Variants in KHDRBS3 observed in about 807,000 individuals in gnomAD.
The protein encoded by KHDRBS3 is KH RNA binding domain containing, signal transduction associated 3.
A neutral mutation model predicts 45.6 loss-of-function variants in KHDRBS3; 23 were observed. The ratio of observed to expected loss-of-function variants is 0.50; its 90% CI spans 0.36 to 0.72. KHDRBS3 has a LOEUF of 0.72. Ranked by LOEUF, KHDRBS3 falls within the 30% of genes least tolerant of loss-of-function variation. The pLI is 0.00. For synonymous variants in KHDRBS3, 162 were observed against 156.5 expected (o/e 1.04, Z -0.26); for missense variants, 352 against 424.8 (o/e 0.83, Z 1.51).
chr8:135,517,302 G>A (rs977894595), intron 1 of KHDRBS3, among the ~76,000 whole-genome samples: 3 of 152,052 alleles, frequency 2.0e-5, no homozygotes, highest in African/African-American at 4.8e-5. Flanking sequence ...CTATGCATTC[G>A]TCCTTGAAAA....
intron 5 of KHDRBS3, among the ~76,000 whole-genome samples, chr8:135,569,382 T>C (rs1383913283): frequency 6.6e-6 from 1 of 152,116 alleles, no homozygotes; most frequent in Non-Finnish European, 1.5e-5. Flanking sequence ...GCTATAAAAT[T>C]ACTGGGCAAA....
intron 7 of KHDRBS3, among the ~76,000 whole-genome samples, chr8:135,626,803 CAAAAAAAAAAA>C (rs57231709): frequency 5.5e-5 from 5 of 91,114 alleles, no homozygotes; most frequent in Admixed American, 3.9e-4. Context: ...GACTCCGTCT[CAAAAAAAAAAA>C]AAAAAAAAAA....
intron 2 of KHDRBS3, among the ~76,000 whole-genome samples, chr8:135,531,132 A>T (rs1825452607): frequency 6.6e-6 from 1 of 152,128 alleles, no homozygotes; most frequent in Admixed American, 6.5e-5. Context: ...AGCTTATTTC[A>T]GATTGTATAT....
At chr8:135,472,078 C>A (rs903877495) in intron 1 of KHDRBS3, among the ~76,000 whole-genome samples, 1 of 152,186 alleles carries the variant, frequency 6.6e-6, no homozygotes, top group Non-Finnish European at 1.5e-5. Flanking sequence ...TGAATTCATT[C>A]TTTCAGAATG....
chr8:135,549,634 A>G (rs978519916), intron 4 of KHDRBS3: 2 of 152,328 alleles, frequency 1.3e-5, no homozygotes, highest in Non-Finnish European at 2.9e-5. Context: ...TGCTCTTGAT[A>G]AAAAGAATCG....
chr8:135,590,897 A>G lies in KHDRBS3; in HGVS notation c.807+8824A>G, dbSNP rs376426267. 8.5e-5 allele frequency among the ~76,000 whole-genome samples: 13 copies of G among 152,352 alleles called. No individual in the cohort carries two copies. In the South Asian group the frequency reaches 2.5e-3, roughly 29 times the overall value. ...TCTCTTGATATCTCAATGTTGTGTA[A>G]TCAATTCTAAGCATTTGAGGCTGAG... On this transcript the variant is annotated intron_variant, in intron 6 of 8. Coordinates refer to ENST00000355849, the MANE Select transcript of KHDRBS3 (RefSeq NM_006558.3).
At position 135,585,065 on chromosome 8, in the gene KHDRBS3, A is replaced by AG. The variant is rs909014127; in HGVS notation, c.807+2992_807+2993insG. ...GGTGAAACCTCATCTCTACCAAAAA[A>AG]AAAAAATACAAAAATTAGCCGGGTG... On this transcript the variant is annotated intron_variant, in intron 6 of 8. Transcript: ENST00000355849. Among the ~76,000 whole-genome samples the AG allele has an allele frequency of 3.2e-4, 48 of 151,154 alleles. 2 individuals are homozygous for AG. Among genetic ancestry groups the AG allele is most frequent in the Admixed American group, 1.3e-3 (20 of 15,154 alleles).
At chr8:135,561,850 A>G (rs1214223747) in intron 5 of KHDRBS3, among the ~76,000 whole-genome samples, 1 of 152,168 alleles carries the variant, frequency 6.6e-6, no homozygotes, top group East Asian at 1.9e-4. Context: ...ATACGAAAAC[A>G]GCTTAAAAAA....
intron 1 of KHDRBS3, among the ~76,000 whole-genome samples, chr8:135,492,412 A>G (rs1443509706): frequency 6.6e-6 from 1 of 152,052 alleles, no homozygotes; most frequent in Non-Finnish European, 1.5e-5. Context: ...AAGATATATT[A>G]AAGAAATTGG....
intron 3 of KHDRBS3, among the ~76,000 whole-genome samples, chr8:135,547,926 C>A (rs753791393): frequency 1.3e-5 from 2 of 152,120 alleles, no homozygotes; most frequent in Non-Finnish European, 2.9e-5. Context: ...AGTTCCTTAA[C>A]GATCTGTTTT....
In KHDRBS3 at chr8:135,542,635, G is replaced by A. The variant is rs762415081; in HGVS notation, c.208-19G>A. 1 of 1,481,238 alleles carries A rather than the reference G, an allele frequency of 6.8e-7. No individual in the cohort carries two copies. The highest frequency in any genetic ancestry group is 9.4e-7 in the Non-Finnish European group (1 of 1,059,924). 91.8% of individuals were successfully genotyped at this position (1,481,238 alleles called of 1,614,324 possible). On this transcript the variant is annotated intron_variant, in intron 2 of 8. Coordinates refer to ENST00000355849, the MANE Select transcript of KHDRBS3 (RefSeq NM_006558.3). ...TTTCACATATAAATGCTACAAATTT[G>A]GTTGTTTATTTTTCCTAGTTCAACT... is the stretch of plus-strand genomic sequence containing the variant.
chr8:135,534,773 A>G (rs537157097), intron 2 of KHDRBS3, among the ~76,000 whole-genome samples: 40 of 152,222 alleles, frequency 2.6e-4, no homozygotes, highest in Admixed American at 3.9e-4. Context: ...ACCTGATTGC[A>G]TGCAGCAGAA....
intron 6 of KHDRBS3, among the ~76,000 whole-genome samples, chr8:135,589,825 A>G (rs1828661482): frequency 1.3e-5 from 2 of 152,224 alleles, no homozygotes; most frequent in South Asian, 4.1e-4. Flanking sequence ...GACCTTTGTC[A>G]ACGCCAACTA....
At chr8:135,481,908 C>T (rs918259495) in intron 1 of KHDRBS3, among the ~76,000 whole-genome samples, 2 of 152,132 alleles carry the variant, frequency 1.3e-5, no homozygotes, top group South Asian at 2.1e-4. Flanking sequence ...AGCCTGTCAC[C>T]GTTTATGAGT....
intron 6 of KHDRBS3, among the ~76,000 whole-genome samples, chr8:135,589,445 C>T (rs1252556035): frequency 6.6e-6 from 1 of 152,108 alleles, no homozygotes; most frequent in Non-Finnish European, 1.5e-5. Context: ...TTGACTAACC[C>T]GACTGTCATT....
At chr8:135,475,236 T>C (rs1441967455) in intron 1 of KHDRBS3, among the ~76,000 whole-genome samples, 1 of 152,186 alleles carries the variant, frequency 6.6e-6, no homozygotes, top group Non-Finnish European at 1.5e-5. Flanking sequence ...AGGGGAGCCA[T>C]TATTCTGCCT....
At position 135,491,760 on chromosome 8, in the gene KHDRBS3, G is replaced by A. The variant is rs1012462295; in HGVS notation, c.89-29477G>A. Among the ~76,000 whole-genome samples the A allele has an allele frequency of 3.9e-5, 6 of 152,128 alleles. No homozygotes were observed. In the East Asian group the frequency reaches 1.2e-3, roughly 29 times the overall value. On this transcript the variant is annotated intron_variant, in intron 1 of 8. Coordinates refer to ENST00000355849, the MANE Select transcript of KHDRBS3 (RefSeq NM_006558.3). Reference sequence around the variant, plus strand: ...AGGTCCAAATGATGTTTTATAATAAGACAACGTTGTTTTAGCCTTTTTTTA... The same window carrying A: ...AGGTCCAAATGATGTTTTATAATAAAACAACGTTGTTTTAGCCTTTTTTTA...
chr8:135,467,683 C>T (rs1821767968), intron 1 of KHDRBS3, among the ~76,000 whole-genome samples: 1 of 152,206 alleles, frequency 6.6e-6, no homozygotes, highest in African/African-American at 2.4e-5. Flanking sequence ...GATGGTAGGT[C>T]CCTCTCAGCC....
intron 6 of KHDRBS3, among the ~76,000 whole-genome samples, chr8:135,584,950 C>T (rs1479590744): frequency 6.6e-6 from 1 of 151,712 alleles, no homozygotes; most frequent in Non-Finnish European, 1.5e-5. Flanking sequence ...GGGCTCGGCA[C>T]GATGCTCACG....
Sources: allele counts gnomAD v4.1 joint callset (sites outside exome capture counted in the v4.1 genomes callset), GRCh38; gene constraint gnomAD v4.1.1; transcripts MANE v1.5; gene names NCBI Gene and HGNC (gene_info 2026-07-23, HGNC 2026-07-21).